Variants in TTC17 observed in about 807,000 individuals in gnomAD.
TTC17 encodes the protein tetratricopeptide repeat domain 17, also known as tetratricopeptide repeat protein 17.
In TTC17, 58 loss-of-function variants were observed where a neutral mutation model predicts 143.8. That is an observed-to-expected ratio of 0.40 (90% CI 0.33 to 0.50). The LOEUF is 0.50. Ranked by LOEUF, TTC17 falls within the 20% of genes least tolerant of loss-of-function variation. TTC17 has a pLI of 0.49. For missense variants in TTC17, 1,273 were observed against 1,392.5 expected (o/e 0.91, Z 1.37); for synonymous variants, 501 against 497.8 (o/e 1.01, Z -0.09).
Position 43,391,847 on chromosome 11 carries a change from T to C in TTC17, c.558T>C (p.Ser186=). ...LRGVQERVNL[S]APLLPKEDPI... is the part of the protein sequence containing the mutation. ...GTGTACAGGAGAGAGTTAATCTTTC[T>C]GCACCTCTGCTACCTAAAGAAGACC... The change falls in exon 5 of 24, where the codon TCT becomes TCC. Residue 186 remains serine, a synonymous_variant. Transcript: ENST00000039989. The C allele has an allele frequency of 6.2e-7, 1 of 1,613,830 alleles. No individual in the cohort carries two copies. The highest frequency in any genetic ancestry group is 8.5e-7 in the Non-Finnish European group (1 of 1,179,956).
chr11:43,445,985 C>T (rs934217038), intron 18 of TTC17: 16 of 1,527,650 alleles, frequency 1.0e-5, no homozygotes, highest in South Asian at 6.0e-5. Flanking sequence ...AACTGGATTT[C>T]AGCAAGGCAT....
intron 2 of TTC17, among the ~76,000 whole-genome samples, chr11:43,386,144 T>TG (rs1228236555): frequency 3.3e-5 from 5 of 151,060 alleles, no homozygotes; most frequent in Non-Finnish European, 7.4e-5. Flanking sequence ...ATTGTCCATG[T>TG]GGGAAAAAAA....
chr11:43,469,530 A>G (rs971087061), intron 21 of TTC17, among the ~76,000 whole-genome samples: 3 of 152,246 alleles, frequency 2.0e-5, no homozygotes, highest in Admixed American at 6.5e-5. Context: ...CTGTTCAGCA[A>G]AAAAGAACCA....
chr11:43,401,422 G>T, intron 9 of TTC17, 24 bp from the exon 10 acceptor site: 1 of 1,522,826 alleles, frequency 6.6e-7, no homozygotes, highest in South Asian at 1.2e-5. Flanking sequence ...CTCATCATTT[G>T]TGTAATTTCC....
intron 21 of TTC17, among the ~76,000 whole-genome samples, chr11:43,478,310 A>G (rs951436939): frequency 2.0e-5 from 3 of 152,246 alleles, no homozygotes; most frequent in African/African-American, 7.2e-5. Flanking sequence ...CTGTAAAAGC[A>G]AAATGAAACT....
chr11:43,460,443 C>T (rs936746590), intron 21 of TTC17, among the ~76,000 whole-genome samples: 5 of 152,158 alleles, frequency 3.3e-5, no homozygotes, highest in African/African-American at 1.2e-4. Flanking sequence ...AGTGGTTTTC[C>T]AGCCTCCGTT....
chr11:43,433,847 C>G (rs554721909), intron 16 of TTC17, among the ~76,000 whole-genome samples: 41 of 152,286 alleles, frequency 2.7e-4, no homozygotes, highest in African/African-American at 9.6e-4. Flanking sequence ...ATGCTTTAAT[C>G]AGCATCATTG....
intron 16 of TTC17, among the ~76,000 whole-genome samples, chr11:43,426,609 A>T (rs1947033719): frequency 2.0e-5 from 3 of 152,192 alleles, no homozygotes; most frequent in African/African-American, 7.2e-5. Flanking sequence ...CTTTGGTTTG[A>T]ATATCATACT....
chr11:43,484,905 G>A (rs1289653364), intron 21 of TTC17, among the ~76,000 whole-genome samples: 1 of 151,856 alleles, frequency 6.6e-6, no homozygotes, highest in East Asian at 1.9e-4. Context: ...TCGCATTACT[G>A]CCTGAGCTGT....
intron 16 of TTC17, chr11:43,436,110 G>A (rs1947286602): frequency 3.2e-6 from 4 of 1,248,260 alleles, no homozygotes; most frequent in Non-Finnish European, 2.0e-6. Context: ...TTGTACTGTA[G>A]TACTACACGA....
intron 21 of TTC17, among the ~76,000 whole-genome samples, chr11:43,452,696 G>A (rs1476717774): frequency 2.0e-5 from 3 of 152,138 alleles, no homozygotes; most frequent in Non-Finnish European, 4.4e-5. Context: ...CAGCACTTTG[G>A]TGGACAAGGC....
At chr11:43,481,390 G>C (rs531770629) in intron 21 of TTC17, among the ~76,000 whole-genome samples, 8 of 152,194 alleles carry the variant, frequency 5.3e-5, no homozygotes, top group African/African-American at 1.9e-4. Context: ...TTGGTATCAG[G>C]ATAATAATGA....
chr11:43,483,466 C>CT (rs1235241095), intron 21 of TTC17, among the ~76,000 whole-genome samples: 1 of 152,036 alleles, frequency 6.6e-6, no homozygotes, highest in African/African-American at 2.4e-5. Flanking sequence ...AAATCAAAAT[C>CT]ATAAGCAAAA....
Position 43,405,841 on chromosome 11 carries a change from G to T in TTC17, c.1651G>T (p.Asp551Tyr). The change falls in exon 13 of 24, where the codon GAC becomes TAC. Residue 551 changes from aspartate to tyrosine, a missense_variant. Physicochemically the swap from Asp to Tyr is radical, Grantham distance 160 (BLOSUM62 -3). Coordinates refer to ENST00000039989, the MANE Select transcript of TTC17 (RefSeq NM_018259.6). ...YSTEEEAQTPDCSITDFRKSH... is the reference protein window; with the variant it reads ...YSTEEEAQTPYCSITDFRKSH... ...TACAGAAGAAGAGGCCCAAACCCCT[G>T]ACTGTTCCATAACTGACTTCAGAAA... 6.2e-7 allele frequency: 1 copy of T among 1,613,982 alleles called. No homozygotes were observed. The highest frequency in any genetic ancestry group is 1.1e-5 in the South Asian group (1 of 91,084).
intron 18 of TTC17, among the ~76,000 whole-genome samples, chr11:43,445,351 A>G (rs576574189): frequency 6.6e-6 from 1 of 152,326 alleles, no homozygotes; most frequent in East Asian, 1.9e-4. Flanking sequence ...GATTTGATGA[A>G]ATATGGTATA....
chr11:43,471,659 C>T (rs1045729244), intron 21 of TTC17, among the ~76,000 whole-genome samples: 3 of 152,176 alleles, frequency 2.0e-5, no homozygotes, highest in Admixed American at 1.3e-4. Flanking sequence ...AGATCAACTT[C>T]CCATGAGTAT....
At chr11:43,473,081 A>G (rs1044075442) in intron 21 of TTC17, among the ~76,000 whole-genome samples, 3 of 152,102 alleles carry the variant, frequency 2.0e-5, no homozygotes, top group African/African-American at 7.2e-5. Context: ...AGGCTGAGGC[A>G]GGAGAATTGC....
At chr11:43,447,715 C>T in intron 18 of TTC17, 1 of 263,308 alleles carries the variant, frequency 3.8e-6, no homozygotes, top group Non-Finnish European at 7.1e-6. Context: ...AGAATGTTAA[C>T]ATTGAAGAAT....
At chr11:43,453,713 G>A (rs936602303) in intron 21 of TTC17, among the ~76,000 whole-genome samples, 2 of 152,146 alleles carry the variant, frequency 1.3e-5, no homozygotes, top group Non-Finnish European at 2.9e-5. Context: ...GGCTCTAAGA[G>A]AGGCAAGACA....
Sources: gnomAD v4.1 joint callset for allele counts (sites outside exome capture counted in the v4.1 genomes callset) on GRCh38, gnomAD v4.1.1 for gene constraint, MANE v1.5 for transcripts, NCBI Gene and HGNC (gene_info 2026-07-23, HGNC 2026-07-21) for gene names.